Variants in MACROD2 observed in about 807,000 individuals in gnomAD.
MACROD2 encodes ADP-ribose glycohydrolase MACROD2.
A neutral mutation model predicts 70.4 loss-of-function variants in MACROD2; 36 were observed. The observed-to-expected ratio is 0.51, with a 90% confidence interval of 0.39 to 0.68. The LOEUF (loss-of-function observed/expected upper bound fraction) is 0.68, where lower values mean the gene tolerates loss of function less well. MACROD2 is among the 30% of genes least tolerant of loss of function. The probability of loss-of-function intolerance (pLI) is 0.00; values close to 1 mark genes in which losing one functional copy is unlikely to be tolerated. For synonymous variants in MACROD2, 172 were observed against 178.8 expected, an observed-to-expected ratio of 0.96 and a Z score of 0.30; for missense variants, 496 against 538.4, an observed-to-expected ratio of 0.92 and a Z score of 0.78.
intron 5 of MACROD2, among the ~76,000 whole-genome samples, chr20:15,176,789 A>G (rs1255568935): frequency 1.3e-5 from 2 of 152,190 alleles, no homozygotes; most frequent in Non-Finnish European, 2.9e-5. Context: ...TCCATGTTGC[A>G]GGCAATGAGA....
At chr20:15,659,189 C>G (rs983386416) in intron 8 of MACROD2, among the ~76,000 whole-genome samples, 2 of 150,282 alleles carry the variant, frequency 1.3e-5, no homozygotes, top group African/African-American at 4.9e-5. Flanking sequence ...ATGTTCAGGT[C>G]TTGGTTTGTA....
chr20:15,754,312 T>C (rs2051314146), intron 8 of MACROD2, among the ~76,000 whole-genome samples: 1 of 152,184 alleles, frequency 6.6e-6, no homozygotes, highest in African/African-American at 2.4e-5. Context: ...CAAAATTGGT[T>C]CATTAACATT....
chr20:14,014,236 C>G lies in MACROD2; in HGVS notation c.163+11832C>G, dbSNP rs141452268. On this transcript the variant is annotated intron_variant, in intron 2 of 17. Transcript: ENST00000684519. ...TCCTTTCTTGCTCCCCCCTCCCCCC[C>G]ACCCCCAATAATTTTTGCATAGGAG... Among the ~76,000 whole-genome samples the G allele has an allele frequency of 2.3e-3, 332 of 145,018 alleles. 2 individuals carry two copies. Among genetic ancestry groups the G allele is most frequent in the East Asian group, 0.021 (92 of 4,436 alleles).
At chr20:15,580,295 A>G (rs1158658377) in intron 8 of MACROD2, among the ~76,000 whole-genome samples, 1 of 152,148 alleles carries the variant, frequency 6.6e-6, no homozygotes, top group African/African-American at 2.4e-5. Flanking sequence ...GGCTCTGTTA[A>G]GAGTCAAATC....
At chr20:14,988,108 A>G (rs796960568) in intron 5 of MACROD2, among the ~76,000 whole-genome samples, 4 of 152,090 alleles carry the variant, frequency 2.6e-5, no homozygotes, top group African/African-American at 9.7e-5. Flanking sequence ...TCATGCCTGT[A>G]ATCCCAGCAC....
intron 3 of MACROD2, among the ~76,000 whole-genome samples, chr20:14,328,523 G>A (rs1453029076): frequency 1.3e-5 from 2 of 152,046 alleles, no homozygotes; most frequent in African/African-American, 2.4e-5. Flanking sequence ...GTCCTTTTAA[G>A]TATTAATTAG....
chr20:15,135,514 AC>A (rs1454906132), intron 5 of MACROD2, among the ~76,000 whole-genome samples: 1 of 140,296 alleles, frequency 7.1e-6, no homozygotes, highest in Non-Finnish European at 1.5e-5. Flanking sequence ...AAATTCAACA[AC>A]CCTTCATGCT....
chr20:14,652,933 A>G (rs1985753290), intron 4 of MACROD2, among the ~76,000 whole-genome samples: 1 of 152,168 alleles, frequency 6.6e-6, no homozygotes, highest in Admixed American at 6.5e-5. Context: ...GTTGCAGTAT[A>G]GCAATATGGT....
intron 3 of MACROD2, among the ~76,000 whole-genome samples, chr20:14,232,135 C>G (rs912170293): frequency 2.6e-5 from 4 of 152,286 alleles, no homozygotes; most frequent in Middle Eastern, 6.8e-3. Context: ...TGCAGAAGCT[C>G]TTGAATTTAA....
At chr20:14,120,213 C>CAAAA (rs71190112) in intron 3 of MACROD2, among the ~76,000 whole-genome samples, 228 of 73,092 alleles carry the variant, frequency 3.1e-3, no homozygotes, top group Non-Finnish European at 3.4e-3. Context: ...GACTCCGTCT[C>CAAAA]AAAAAAAAAA....
At chr20:15,712,328 T>G (rs2050640772) in intron 8 of MACROD2, among the ~76,000 whole-genome samples, 1 of 152,160 alleles carries the variant, frequency 6.6e-6, no homozygotes, top group African/African-American at 2.4e-5. Flanking sequence ...TGAACTGGAG[T>G]TGGCCCACAG....
At chr20:15,811,702 G>T (rs1295226290) in intron 8 of MACROD2, among the ~76,000 whole-genome samples, 1 of 152,010 alleles carries the variant, frequency 6.6e-6, no homozygotes, top group Non-Finnish European at 1.5e-5. Flanking sequence ...ATGGGTGAAT[G>T]GATAAGATAG....
At chr20:15,564,791 T>A (rs2048289502) in intron 8 of MACROD2, among the ~76,000 whole-genome samples, 1 of 152,234 alleles carries the variant, frequency 6.6e-6, no homozygotes, top group African/African-American at 2.4e-5. Context: ...ATATGCTTTT[T>A]GTCATTATAT....
chr20:15,911,522 C>A (rs537079784), intron 10 of MACROD2, among the ~76,000 whole-genome samples: 1 of 151,220 alleles, frequency 6.6e-6, no homozygotes, highest in African/African-American at 2.5e-5. Context: ...CTTAAAAGCC[C>A]CACCTCGAAG....
At chr20:15,420,361 A>G (rs2046211157) in intron 6 of MACROD2, among the ~76,000 whole-genome samples, 1 of 148,802 alleles carries the variant, frequency 6.7e-6, no homozygotes, top group African/African-American at 2.4e-5. Context: ...ATAATGAAGA[A>G]AACAAAAAGA....
intron 4 of MACROD2, among the ~76,000 whole-genome samples, chr20:14,596,410 AACATATATATAT>A (rs1177065584): frequency 1.0e-5 from 1 of 96,568 alleles, no homozygotes; most frequent in African/African-American, 5.8e-5. Context: ...TAATTTTTTA[AACATATATATAT>A]ATATATATAT....
intron 5 of MACROD2, among the ~76,000 whole-genome samples, chr20:14,862,017 A>T (rs373156906): frequency 0.093 from 1,366 of 14,714 alleles, 210 homozygotes; most frequent in African/African-American, 0.22. Context: ...ATATATATAT[A>T]TTTATATATA....
chr20:14,914,381 A>G (rs933178080), intron 5 of MACROD2, among the ~76,000 whole-genome samples: 3 of 152,180 alleles, frequency 2.0e-5, no homozygotes, highest in Admixed American at 1.3e-4. Context: ...CTTACGTACA[A>G]CAATGTTTGC....
Position 15,031,715 on chromosome 20 carries a change from G to A in MACROD2, c.419-198225G>A, listed in dbSNP as rs562999382. Among the ~76,000 whole-genome samples, 5 of 152,280 alleles carry A rather than the reference G, an allele frequency of 3.3e-5. No homozygotes were observed. In the South Asian group the frequency reaches 1.0e-3, roughly 32 times the overall value. On this transcript the variant is annotated intron_variant, in intron 5 of 17. Coordinates refer to ENST00000684519, the MANE Select transcript of MACROD2 (RefSeq NM_001351661.2). ...GCGGTGTTTTTATGGGCTCAGAAGG[G>A]AGGAAGTGCATGCTGATTGGTCCAT...
Sources: allele counts gnomAD v4.1 joint callset (sites outside exome capture counted in the v4.1 genomes callset), GRCh38; gene constraint gnomAD v4.1.1; transcripts MANE v1.5; gene names NCBI Gene and HGNC (gene_info 2026-07-23, HGNC 2026-07-21).